The following ROR1 variants were observed in gnomAD, a reference collection of about 807,000 sequenced individuals.
ROR1 encodes the protein ROR family WNT receptor 1.
In ROR1, 19 loss-of-function variants were observed where a neutral mutation model predicts 78.8. That is an observed-to-expected ratio of 0.24 (90% CI 0.17 to 0.35). The LOEUF (loss-of-function observed/expected upper bound fraction) is 0.35, where lower values mean the gene tolerates loss of function less well. ROR1 is among the 10% of genes least tolerant of loss of function. The probability of loss-of-function intolerance (pLI) is 1.00; values close to 1 mark genes in which losing one functional copy is unlikely to be tolerated. For missense variants in ROR1, 917 were observed against 1,177.8 expected (o/e 0.78, Z 3.24); for synonymous variants, 386 against 433.6 (o/e 0.89, Z 1.36).
chr1:64,136,781 G>T (rs1649117547), intron 4 of ROR1, among the ~76,000 whole-genome samples: 1 of 151,988 alleles, frequency 6.6e-6, no homozygotes, highest in African/African-American at 2.4e-5. Context: ...GATTTCCTTG[G>T]ATTTAGTGAC....
chr1:63,792,216 A>G (rs1171826848), intron 1 of ROR1, among the ~76,000 whole-genome samples: 1 of 152,178 alleles, frequency 6.6e-6, no homozygotes, highest in Admixed American at 6.5e-5. Context: ...AGAGGCATTC[A>G]AAGCAAATGC....
intron 1 of ROR1, among the ~76,000 whole-genome samples, chr1:63,929,870 A>G (rs1645736756): frequency 6.6e-6 from 1 of 152,204 alleles, no homozygotes. Context: ...AACTCATGCT[A>G]GAATTCAGAT....
chr1:63,809,204 C>G (rs755268499), intron 1 of ROR1, among the ~76,000 whole-genome samples: 13 of 152,152 alleles, frequency 8.5e-5, no homozygotes, highest in Non-Finnish European at 1.6e-4. Context: ...TACTTAAGTA[C>G]TTCTGTGCAC....
intron 1 of ROR1, chr1:63,788,879 G>A: frequency 2.3e-6 from 2 of 872,574 alleles, no homozygotes; most frequent in East Asian, 2.9e-5. Flanking sequence ...TTCAGCTTGT[G>A]GATGTGTTCC....
intron 2 of ROR1, among the ~76,000 whole-genome samples, chr1:64,022,834 G>A (rs530704669): frequency 1.3e-5 from 2 of 152,304 alleles, no homozygotes; most frequent in African/African-American, 4.8e-5. Flanking sequence ...AGCATAAGGG[G>A]TGAAATCTTG....
At chr1:63,994,384 A>G (rs930158835) in intron 1 of ROR1, among the ~76,000 whole-genome samples, 12 of 152,196 alleles carry the variant, frequency 7.9e-5, no homozygotes, top group South Asian at 2.1e-4. Flanking sequence ...CTTGAGCAGT[A>G]GGATATCAAT....
intron 2 of ROR1, among the ~76,000 whole-genome samples, chr1:64,032,128 G>T (rs370641067): frequency 4.6e-5 from 7 of 151,822 alleles, no homozygotes; most frequent in East Asian, 1.9e-4. Flanking sequence ...GGATCATGAG[G>T]TCAGGAGATC....
chr1:63,938,959 C>G (rs1450203817), intron 1 of ROR1, among the ~76,000 whole-genome samples: 2 of 152,020 alleles, frequency 1.3e-5, no homozygotes, highest in Non-Finnish European at 2.9e-5. Flanking sequence ...GATTGTGCCA[C>G]CGCACTGCAG....
chr1:64,028,756 C>T (rs1008263367), intron 2 of ROR1: 1 of 152,154 alleles, frequency 6.6e-6, no homozygotes, highest in African/African-American at 2.4e-5. Flanking sequence ...AATTGGTTAT[C>T]TATTCCCTTA....
chr1:64,142,314 T>C, intron 6 of ROR1, 91 bp from the exon 7 acceptor site: 2 of 1,539,072 alleles, frequency 1.3e-6, no homozygotes, highest in East Asian at 2.3e-5. Flanking sequence ...GTTAATTACC[T>C]GCCCTCCCCT....
intron 1 of ROR1, among the ~76,000 whole-genome samples, chr1:63,868,113 G>A (rs894932426): frequency 6.6e-5 from 10 of 151,766 alleles, no homozygotes; most frequent in Admixed American, 1.3e-4. Flanking sequence ...AAGATTCAGA[G>A]AAATACTAGC....
intron 8 of ROR1, among the ~76,000 whole-genome samples, chr1:64,173,844 T>G (rs1650307214): frequency 6.6e-6 from 1 of 152,218 alleles, no homozygotes; most frequent in South Asian, 2.1e-4. Context: ...TTTACCCATC[T>G]GCTACCATCC....
At chr1:63,860,588 C>CACACACACACACACACAT (rs1645174060) in intron 1 of ROR1, among the ~76,000 whole-genome samples, 13 of 145,520 alleles carry the variant, frequency 8.9e-5, no homozygotes, top group African/African-American at 2.3e-4. Flanking sequence ...CACACACACA[C>CACACACACACACACACAT]ACACACACAC....
intron 1 of ROR1, among the ~76,000 whole-genome samples, chr1:63,956,013 T>C (rs1478595900): frequency 6.6e-6 from 1 of 152,158 alleles, no homozygotes; most frequent in Non-Finnish European, 1.5e-5. Flanking sequence ...GGTGACTCGC[T>C]CTGCTGGCCT....
chr1:63,998,355 A>G (rs1156962603), intron 1 of ROR1, among the ~76,000 whole-genome samples: 1 of 150,794 alleles, frequency 6.6e-6, no homozygotes, highest in Non-Finnish European at 1.5e-5. Context: ...TTTCTTTCCT[A>G]TTAAATTACA....
chr1:64,013,707 C>A (rs1240346974), intron 2 of ROR1, among the ~76,000 whole-genome samples: 1 of 152,212 alleles, frequency 6.6e-6, no homozygotes, highest in Non-Finnish European at 1.5e-5. Context: ...ACCCCTTTGA[C>A]CATGACATCA....
chr1:63,923,659 C>T (rs575255127), intron 1 of ROR1, among the ~76,000 whole-genome samples: 1 of 151,440 alleles, frequency 6.6e-6, no homozygotes, highest in East Asian at 2.0e-4. Context: ...TGGTCTTCTG[C>T]TTGTACTCCC....
chr1:63,824,333 A>T (rs1434790685), intron 1 of ROR1, among the ~76,000 whole-genome samples: 1 of 152,274 alleles, frequency 6.6e-6, no homozygotes, highest in East Asian at 1.9e-4. Context: ...TAAACAAATG[A>T]GCATGGCTTT....
chr1:64,028,527 G>T (rs935620621), intron 2 of ROR1, among the ~76,000 whole-genome samples: 1 of 152,114 alleles, frequency 6.6e-6, no homozygotes, highest in African/African-American at 2.4e-5. Context: ...AGTTGCTGCT[G>T]TTTTTCTGAA....
Sources: allele counts gnomAD v4.1 joint callset (sites outside exome capture counted in the v4.1 genomes callset), GRCh38; gene constraint gnomAD v4.1.1; transcripts MANE v1.5; gene names NCBI Gene and HGNC (gene_info 2026-07-23, HGNC 2026-07-21).